DNAH11: variants seen among roughly 807,000 people sequenced by gnomAD.
DNAH11 encodes axonemal beta dynein heavy chain 11.
DNAH11 carries 442 observed loss-of-function variants against 526.0 expected under a neutral mutation model. That is an observed-to-expected ratio of 0.84 (90% confidence interval 0.78 to 0.91). The LOEUF (loss-of-function observed/expected upper bound fraction) is 0.91, where lower values mean the gene tolerates loss of function less well. DNAH11 is among the 40% of genes least tolerant of loss of function. The probability of loss-of-function intolerance (pLI) is 0.00; values close to 1 mark genes in which losing one functional copy is unlikely to be tolerated. For synonymous variants in DNAH11, 2,461 were observed against 1,935.9 expected, an observed-to-expected ratio of 1.27 and a Z score of -7.12; for missense variants, 6,989 against 5,448.7, an observed-to-expected ratio of 1.28 and a Z score of -8.90.
chr7:21,764,720 T>C (rs923930251), intron 54 of DNAH11, among the ~76,000 whole-genome samples: 3 of 152,208 alleles, frequency 2.0e-5, no homozygotes, highest in African/African-American at 7.2e-5. Flanking sequence ...CCCTCAGGAC[T>C]CCGACAGAAT....
chr7:21,817,118 TACAAGTCCCA>T (rs1223949772), intron 64 of DNAH11, among the ~76,000 whole-genome samples: 2 of 152,150 alleles, frequency 1.3e-5, no homozygotes, highest in Non-Finnish European at 2.9e-5. Flanking sequence ...TTAACATGGC[TACAAGTCCCA>T]ACATTGGGTG....
chr7:21,894,095 G>C (rs1784422524), intron 77 of DNAH11, among the ~76,000 whole-genome samples: 2 of 152,056 alleles, frequency 1.3e-5, no homozygotes, highest in South Asian at 4.2e-4. Context: ...CACCATGTTG[G>C]CCAGGCTGGT....
At chr7:21,551,738 G>T (rs1383882862) in intron 2 of DNAH11, among the ~76,000 whole-genome samples, 5 of 152,194 alleles carry the variant, frequency 3.3e-5, no homozygotes, top group African/African-American at 7.2e-5. Flanking sequence ...CTTCCCTAAG[G>T]TTTGGTCTAA....
At chr7:21,676,905 C>A (rs987234119) in intron 30 of DNAH11, among the ~76,000 whole-genome samples, 44 of 152,168 alleles carry the variant, frequency 2.9e-4, no homozygotes, top group African/African-American at 1.0e-3. Flanking sequence ...TAGAAACTTG[C>A]ATAGGTATGG....
intron 49 of DNAH11, among the ~76,000 whole-genome samples, chr7:21,743,741 G>A (rs990918878): frequency 1.7e-4 from 26 of 152,290 alleles, no homozygotes; most frequent in African/African-American, 6.0e-4. Context: ...AGGGAAGAGA[G>A]GTCATAGGTG....
chr7:21,842,128 C>G (rs903213114), intron 65 of DNAH11, among the ~76,000 whole-genome samples: 12 of 152,160 alleles, frequency 7.9e-5, no homozygotes, highest in African/African-American at 2.9e-4. Flanking sequence ...ATAGGAACTT[C>G]ACTCTTGTTT....
At position 21,742,315 on chromosome 7, in the gene DNAH11, G is replaced by A. The variant is rs1033082511; in HGVS notation, c.8154+149G>A. 3.0e-6 allele frequency: 3 copies of A among 1,006,508 alleles called. No homozygotes were observed. In the African/African-American group the frequency reaches 4.9e-5, roughly 16 times the overall value. The allele number at this position is 1,006,508 out of a possible 1,614,324, so 62.3% of individuals were successfully genotyped here. The stretch of plus-strand genomic sequence containing the variant: ...GTTTAATTGGCTTATGGTTCTGCAG[G>A]CTGTGCTAGCATGGCCCCAGCATCT... On this transcript the variant is annotated intron_variant, in intron 49 of 81. Coordinates refer to ENST00000409508, the MANE Select transcript of DNAH11 (RefSeq NM_001277115.2).
In DNAH11 at chr7:21,750,217, G is replaced by A. The variant is rs189821372; in HGVS notation, c.8798-5G>A. 4.1e-3 allele frequency: 6,550 copies of A among 1,590,046 alleles called. 30 individuals carry two copies. Among genetic ancestry groups the A allele is most frequent in the South Asian group, 0.01 (851 of 84,648 alleles). On this transcript the variant is annotated splice_polypyrimidine_tract_variant and splice_region_variant and intron_variant, in intron 53 of 81. Coordinates refer to ENST00000409508, the MANE Select transcript of DNAH11 (RefSeq NM_001277115.2). Reference sequence around the variant, plus strand: ...TTTAGTAATTCTACTCATTCTTTGGGGCAGGAGAAATCCCAGATCTGTTCA... The same window carrying A: ...TTTAGTAATTCTACTCATTCTTTGGAGCAGGAGAAATCCCAGATCTGTTCA...
intron 65 of DNAH11, among the ~76,000 whole-genome samples, chr7:21,839,574 CAAA>C (rs112866262): frequency 1.5e-5 from 2 of 132,770 alleles, no homozygotes; most frequent in African/African-American, 2.7e-5. Context: ...GACTCCGTTT[CAAA>C]AAAAAAAAAA....
intron 68 of DNAH11, among the ~76,000 whole-genome samples, chr7:21,861,640 A>G (rs1783067386): frequency 6.6e-6 from 1 of 152,246 alleles, no homozygotes; most frequent in Non-Finnish European, 1.5e-5. Context: ...AAGGAGATTG[A>G]ATGGATTTCA....
chr7:21,625,410 C>G lies in DNAH11; in HGVS notation c.4500+5332C>G, dbSNP rs115880813. Among the ~76,000 whole-genome samples, 1,265 of 152,172 alleles carry G rather than the reference C, an allele frequency of 8.3e-3. 17 individuals carry two copies. The highest frequency in any genetic ancestry group is 0.028 in the African/African-American group (1,170 of 41,542). ...GAGTTATCTCCCTTCTTTCCTTAGT[C>G]TGGCTAAAGGTTTGTTGATTTTGTT... On this transcript the variant is annotated intron_variant, in intron 25 of 81. Coordinates refer to ENST00000409508, the MANE Select transcript of DNAH11 (RefSeq NM_001277115.2).
At chr7:21,706,751 G>A (rs757550795) in intron 39 of DNAH11, among the ~76,000 whole-genome samples, 12 of 152,118 alleles carry the variant, frequency 7.9e-5, no homozygotes, top group Admixed American at 4.6e-4. Context: ...ACGTTCTTTA[G>A]CATCTTATCA....
At chr7:21,757,181 T>A (rs2128495063) in intron 54 of DNAH11, among the ~76,000 whole-genome samples, 1 of 152,312 alleles carries the variant, frequency 6.6e-6, no homozygotes, top group Admixed American at 6.5e-5. Context: ...TGATTTTTAA[T>A]CCTTTATAAT....
At chr7:21,872,238 A>C (rs1783531563) in intron 73 of DNAH11, among the ~76,000 whole-genome samples, 1 of 151,516 alleles carries the variant, frequency 6.6e-6, no homozygotes, top group Non-Finnish European at 1.5e-5. Context: ...GGGGGTTAAG[A>C]CTTCACCATA....
intron 62 of DNAH11, among the ~76,000 whole-genome samples, chr7:21,807,515 A>G (rs1789317955): frequency 6.6e-6 from 1 of 152,186 alleles, no homozygotes; most frequent in Admixed American, 6.5e-5. Flanking sequence ...AAATAATCTT[A>G]ACATCACTCG....
chr7:21,623,158 A>G (rs1305879767), intron 25 of DNAH11, among the ~76,000 whole-genome samples: 1 of 152,218 alleles, frequency 6.6e-6, no homozygotes, highest in Non-Finnish European at 1.5e-5. Flanking sequence ...GGCGAAGGAC[A>G]TGAACAGACA....
intron 65 of DNAH11, among the ~76,000 whole-genome samples, chr7:21,824,544 A>G (rs1790193644): frequency 6.6e-6 from 1 of 152,230 alleles, no homozygotes; most frequent in Non-Finnish European, 1.5e-5. Flanking sequence ...TAAAAGATAA[A>G]TAAAAGATCT....
At chr7:21,723,222 A>G (rs1308319928) in intron 44 of DNAH11, among the ~76,000 whole-genome samples, 2 of 152,204 alleles carry the variant, frequency 1.3e-5, no homozygotes, top group Admixed American at 6.5e-5. Flanking sequence ...AGAGCTTTTC[A>G]TAGGGCACCT....
chr7:21,725,931 C>A lies in DNAH11; in HGVS notation c.7387C>A (p.Pro2463Thr), dbSNP rs570296755. 1.9e-6 allele frequency: 3 copies of A among 1,567,106 alleles called. No homozygotes were observed. Among genetic ancestry groups the A allele is most frequent in the African/African-American group, 2.7e-5 (2 of 73,808 alleles). ...GGACCACAAAACTAAGAAATTATTGCCCTGGGCTGACAAAATTGCCCAGTT... is the reference window on the plus strand; with the variant it reads ...GGACCACAAAACTAAGAAATTATTGACCTGGGCTGACAAAATTGCCCAGTT... ...YVDHKTKKLL[P>T]WADKIAQFTM... The change falls in exon 45 of 82, where the codon CCC (proline) becomes ACC (threonine). Residue 2463 changes from proline to threonine, a missense_variant. Pro to Thr is a conservative substitution (Grantham distance 38, BLOSUM62 -1). Coordinates refer to ENST00000409508, the MANE Select transcript of DNAH11 (RefSeq NM_001277115.2).
Sources: allele counts gnomAD v4.1 joint callset (sites outside exome capture counted in the v4.1 genomes callset), GRCh38; gene constraint gnomAD v4.1.1; transcripts MANE v1.5; gene names NCBI Gene and HGNC (gene_info 2026-07-23, HGNC 2026-07-21).